ELL2: variants seen among roughly 807,000 people sequenced by gnomAD.
ELL2 encodes the protein elongation factor for RNA polymerase II 2.
Under a neutral mutation model 72.8 loss-of-function variants are expected in ELL2, and 21 were observed. The observed-to-expected ratio is 0.29, with a 90% CI of 0.20 to 0.42. The LOEUF is 0.42. Among genes scored for constraint, ELL2 ranks in the 10% least tolerant of loss-of-function variants. The probability of loss-of-function intolerance (pLI) is 1.00; values close to 1 mark genes in which losing one functional copy is unlikely to be tolerated. For synonymous variants in ELL2, 266 were observed against 283.2 expected (o/e 0.94, Z 0.61); for missense variants, 568 against 772.8 (o/e 0.73, Z 3.14).
chr5:95,958,514 C>T (rs541009782), intron 1 of ELL2, among the ~76,000 whole-genome samples: 4 of 152,248 alleles, frequency 2.6e-5, no homozygotes, highest in African/African-American at 4.8e-5. Flanking sequence ...TTTTTGGTTT[C>T]TTCCCAGTTT....
chr5:95,910,204 A>T (rs1177607020), intron 4 of ELL2, among the ~76,000 whole-genome samples: 3 of 152,234 alleles, frequency 2.0e-5, no homozygotes, highest in East Asian at 3.9e-4. Flanking sequence ...ATGTTAAATG[A>T]TTTGTCTGTC....
intron 4 of ELL2, among the ~76,000 whole-genome samples, chr5:95,909,225 T>C (rs1749489204): frequency 1.3e-5 from 2 of 152,230 alleles, no homozygotes; most frequent in Non-Finnish European, 2.9e-5. Context: ...AGAGTTTTAC[T>C]TGGGGCCCAT....
intron 1 of ELL2, among the ~76,000 whole-genome samples, chr5:95,952,518 A>G (rs1751455989): frequency 6.6e-6 from 1 of 152,198 alleles, no homozygotes; most frequent in South Asian, 2.1e-4. Flanking sequence ...AAAGGAGAGG[A>G]TCTTTTATAA....
At chr5:95,900,830 C>A in intron 6 of ELL2, 50 bp from the exon 7 acceptor site, 1 of 1,567,572 alleles carries the variant, frequency 6.4e-7, no homozygotes, top group South Asian at 1.2e-5. Flanking sequence ...TAAAAATGTT[C>A]ATGATAGAAA....
At chr5:95,933,006 C>T (rs780103087) in intron 2 of ELL2, among the ~76,000 whole-genome samples, 3 of 152,250 alleles carry the variant, frequency 2.0e-5, no homozygotes, top group East Asian at 1.9e-4. Context: ...TGTTACTTTA[C>T]GCTATCTTAA....
At chr5:95,920,333 C>T (rs147037742) in intron 2 of ELL2, among the ~76,000 whole-genome samples, 5,667 of 135,644 alleles carry the variant, frequency 0.042, 364 homozygotes, top group African/African-American at 0.14. Context: ...ATTTTTGAGA[C>T]GGAGTCTCGC....
intron 3 of ELL2, among the ~76,000 whole-genome samples, chr5:95,916,261 C>T (rs561714962): frequency 1.3e-5 from 2 of 152,088 alleles, no homozygotes; most frequent in South Asian, 4.2e-4. Context: ...AAACACTGAA[C>T]ACAAGATGAA....
chr5:95,906,066 A>G (rs1460338708), intron 5 of ELL2, among the ~76,000 whole-genome samples: 2 of 152,136 alleles, frequency 1.3e-5, no homozygotes, highest in East Asian at 3.8e-4. Flanking sequence ...GCAGAAAAAG[A>G]TAGAGTAATA....
chr5:95,956,510 T>G (rs1164352347), intron 1 of ELL2, among the ~76,000 whole-genome samples: 5 of 152,214 alleles, frequency 3.3e-5, no homozygotes, highest in Non-Finnish European at 7.3e-5. Flanking sequence ...GTGGTGGCAG[T>G]GCTGTGCTGG....
At chr5:95,927,038 T>G (rs1750307908) in intron 2 of ELL2, among the ~76,000 whole-genome samples, 1 of 152,182 alleles carries the variant, frequency 6.6e-6, no homozygotes. Flanking sequence ...GATTAATTGA[T>G]TCTTTCATTT....
chr5:95,910,327 T>G (rs1749539521), intron 4 of ELL2, among the ~76,000 whole-genome samples: 1 of 152,170 alleles, frequency 6.6e-6, no homozygotes, highest in African/African-American at 2.4e-5. Flanking sequence ...AGATTGGTTA[T>G]TTTGTACACC....
In ELL2 at chr5:95,895,650, T is replaced by C; in HGVS notation, c.1567A>G (p.Ile523Val). Reference protein sequence around the residue: ...DCTASMEPSAIELPDYLIKYI... With the variant: ...DCTASMEPSAVELPDYLIKYI... ...TACATCAAATAATCTGGGAGTTCAA[T>C]TGCTGAAGGTTCCATGGAGGCAGTG... Residue 523 changes from isoleucine (I) to valine (V), a missense_variant, in exon 9 of 12, where the codon ATT (isoleucine) becomes GTT (valine). Ile to Val is a conservative substitution (Grantham distance 29). Transcript: ENST00000237853. The C allele has an allele frequency of 1.2e-6, 2 of 1,614,140 alleles. No homozygotes were observed. The highest frequency in any genetic ancestry group is 1.7e-6 in the Non-Finnish European group (2 of 1,180,008).
chr5:95,902,361 A>C lies in ELL2; in HGVS notation c.742-1281T>G, dbSNP rs1269144119. ...AAACATATGCCTAGAGAACCCCCAA[A>C]TTACTGTTATTAGTCAGCCAGTTTA... On this transcript the variant is annotated intron_variant, in intron 5 of 11. Transcript: ENST00000237853. Among the ~76,000 whole-genome samples the C allele has an allele frequency of 3.9e-5, 6 of 152,176 alleles. 1 individual carries two copies. In the East Asian group the frequency reaches 1.2e-3, roughly 29 times the overall value.
At chr5:95,961,498 C>G (rs1335751751) in intron 1 of ELL2, 77 bp downstream of exon 1, 3 of 1,365,228 alleles carry the variant, frequency 2.2e-6, no homozygotes, top group Non-Finnish European at 2.8e-6. Context: ...CTCCGCCGGC[C>G]CCGCACCCGG....
intron 3 of ELL2, among the ~76,000 whole-genome samples, chr5:95,915,380 G>A (rs143312407): frequency 0.034 from 5,120 of 152,330 alleles, 141 homozygotes; most frequent in Admixed American, 0.074. Context: ...GATTACAGGC[G>A]TGAGCCACCG....
chr5:95,943,446 T>A (rs1399850902), intron 1 of ELL2, among the ~76,000 whole-genome samples: 1 of 152,182 alleles, frequency 6.6e-6, no homozygotes, highest in East Asian at 1.9e-4. Flanking sequence ...TTTTTGGCAG[T>A]GCAGCTAATC....
intron 1 of ELL2, among the ~76,000 whole-genome samples, chr5:95,951,333 C>T (rs574712190): frequency 6.6e-6 from 1 of 152,080 alleles, no homozygotes; most frequent in Admixed American, 6.5e-5. Context: ...TGTGCCACTG[C>T]ACTCCAGCCT....
intron 1 of ELL2, among the ~76,000 whole-genome samples, chr5:95,947,578 G>C (rs1751209392): frequency 6.6e-6 from 1 of 152,186 alleles, no homozygotes; most frequent in Non-Finnish European, 1.5e-5. Flanking sequence ...TTCAGAGACA[G>C]AATAAATAAT....
intron 1 of ELL2, among the ~76,000 whole-genome samples, chr5:95,958,040 A>T: frequency 6.6e-6 from 1 of 152,244 alleles, no homozygotes; most frequent in East Asian, 1.9e-4. Context: ...TCTGGCTCTT[A>T]GTCATTAGAA....
Sources: gnomAD v4.1 joint callset for allele counts (sites outside exome capture counted in the v4.1 genomes callset) on GRCh38, gnomAD v4.1.1 for gene constraint, MANE v1.5 for transcripts, NCBI Gene and HGNC (gene_info 2026-07-23, HGNC 2026-07-21) for gene names.